Variants in BCOR observed in about 807,000 individuals in gnomAD.
The protein encoded by BCOR is BCL-6 corepressor.
A neutral mutation model predicts 86.7 loss-of-function variants in BCOR; 10 were observed. The ratio of observed to expected loss-of-function variants is 0.12; its 90% CI spans 0.07 to 0.20. BCOR has a LOEUF of 0.20. BCOR is among the 10% of genes least tolerant of loss of function. BCOR has a pLI of 1.00. For synonymous variants in BCOR, 611 were observed against 609.0 expected (o/e 1.00, Z -0.05); for missense variants, 1,259 against 1,452.1 (o/e 0.87, Z 2.16).
intron 1 of BCOR, among the ~76,000 whole-genome samples, chrX:40,168,893 C>T (rs1480163039): frequency 1.8e-5 from 2 of 113,105 alleles, no homozygotes; most frequent in African/African-American, 3.2e-5. Context: ...GTGCAGGCTC[C>T]AGGCGCTTCG....
chrX:40,065,825 C>T lies in BCOR; in HGVS notation c.3239-1226G>A, dbSNP rs376508415. ...TCAATTTCTAGATGAAATAAGCACA[C>T]GCCTCATCCGCTGATCTCATTCTTC... is the stretch of plus-strand genomic sequence containing the variant. On this transcript the variant is annotated intron_variant, in intron 6 of 14. Transcript: ENST00000378444. Among the ~76,000 whole-genome samples the T allele has an allele frequency of 1.4e-4, 15 of 110,206 alleles. No individual in the cohort carries two copies. In the East Asian group the frequency reaches 3.4e-3, roughly 25 times the overall value.
At chrX:40,083,174 T>A (rs1936186047) in intron 1 of BCOR, among the ~76,000 whole-genome samples, 1 of 110,513 alleles carries the variant, frequency 9.0e-6, no homozygotes, top group East Asian at 2.9e-4. Flanking sequence ...ATGTGCAGTG[T>A]GGGATGGGTC....
At chrX:40,175,287 A>C (rs563985595) in intron 1 of BCOR, among the ~76,000 whole-genome samples, 1 of 113,382 alleles carries the variant, frequency 8.8e-6, no homozygotes, top group Non-Finnish European at 1.9e-5. Flanking sequence ...CCGCGCGCGT[A>C]AGCGCGGCAC....
At chrX:40,168,541 G>A (rs1446783716) in intron 1 of BCOR, among the ~76,000 whole-genome samples, 2 of 112,999 alleles carry the variant, frequency 1.8e-5, no homozygotes, top group African/African-American at 3.2e-5. Flanking sequence ...ACAGACAAAT[G>A]TGCAGTGTCA....
intron 1 of BCOR, among the ~76,000 whole-genome samples, chrX:40,163,085 A>G (rs1351004761): frequency 8.9e-6 from 1 of 112,052 alleles, no homozygotes. Flanking sequence ...TGCATTGACT[A>G]CATTCCTAGC....
At position 40,073,466 on chromosome X, in the gene BCOR, T is replaced by C. The variant is rs1057522664; in HGVS notation, c.1880A>G (p.Lys627Arg). ...TGGTGGAAGGCCGTTCTCGTTTGCT[T>C]TGAAACTCGGTTCTGGGTTGCTGGC... is the stretch of plus-strand genomic sequence containing the variant. The part of the protein sequence containing the change: ...AKASNPEPSF[K>R]ANENGLPPSS... The change falls in exon 4 of 15, where the codon AAA becomes AGA. Residue 627 changes from lysine (K) to arginine (R), a missense_variant. Physicochemically the swap from Lys to Arg is conservative, Grantham distance 26. Transcript: ENST00000378444. The C allele has an allele frequency of 4.9e-6, 6 of 1,212,467 alleles. No individual in the cohort carries two copies. In the South Asian group the frequency reaches 7.0e-5, roughly 14 times the overall value.
At chrX:40,153,018 G>A (rs992580571) in intron 1 of BCOR, among the ~76,000 whole-genome samples, 6 of 112,857 alleles carry the variant, frequency 5.3e-5, no homozygotes, top group African/African-American at 1.9e-4. Context: ...AAGGTGCCGC[G>A]CGAGTTCCAG....
chrX:40,095,164 T>C (rs1258974539), intron 1 of BCOR, among the ~76,000 whole-genome samples: 1 of 111,718 alleles, frequency 9.0e-6, no homozygotes, highest in Admixed American at 9.4e-5. Context: ...CACTCCGCTC[T>C]ACGCGCTGAA....
In BCOR at chrX:40,071,013, G is replaced by C; in HGVS notation, c.3198C>G (p.Thr1066=). The change falls in exon 6 of 15, where the codon ACC becomes ACG. Residue 1066 remains threonine (T), a synonymous_variant. Coordinates refer to ENST00000378444, the MANE Select transcript of BCOR (RefSeq NM_001123385.2). ...TCTGTTCTGCAATGGCCTCCTCCAG[G>C]GTGACCGACTTTGGCTTTTTGTCCT... is the stretch of plus-strand genomic sequence containing the variant. The part of the protein sequence containing the change: ...GNQDKKPKSV[T]LEEAIAEQNE... 8.3e-7 allele frequency: 1 copy of C among 1,211,255 alleles called. No individual in the cohort carries two copies. Among genetic ancestry groups the C allele is most frequent in the Non-Finnish European group, 1.1e-6 (1 of 895,413 alleles).
At chrX:40,118,747 C>G (rs978645910) in intron 1 of BCOR, among the ~76,000 whole-genome samples, 2 of 112,626 alleles carry the variant, frequency 1.8e-5, no homozygotes, top group Admixed American at 9.4e-5. Context: ...CCCCCTAGTT[C>G]CTCTACTGAG....
chrX:40,066,080 A>T (rs1351424886), intron 6 of BCOR, among the ~76,000 whole-genome samples: 1 of 110,233 alleles, frequency 9.1e-6, no homozygotes, highest in African/African-American at 3.3e-5. Flanking sequence ...GGAATGGTAG[A>T]ATCTCCCCAA....
At chrX:40,169,907 G>A (rs1158159985) in intron 1 of BCOR, among the ~76,000 whole-genome samples, 2 of 111,926 alleles carry the variant, frequency 1.8e-5, no homozygotes, top group Non-Finnish European at 3.8e-5. Context: ...GCCAGGGAAG[G>A]GAGAGTAAGG....
intron 1 of BCOR, among the ~76,000 whole-genome samples, chrX:40,172,029 G>C (rs2148033203): frequency 8.9e-6 from 1 of 112,943 alleles, no homozygotes; most frequent in Non-Finnish European, 1.9e-5. Flanking sequence ...GGTTGGCGAG[G>C]GCAGCTGGGC....
chrX:40,145,438 C>T (rs1024836881), intron 1 of BCOR, among the ~76,000 whole-genome samples: 2 of 111,706 alleles, frequency 1.8e-5, no homozygotes, highest in Admixed American at 1.9e-4. Context: ...GCTGAATCCC[C>T]CTCCCCCACC....
intron 6 of BCOR, among the ~76,000 whole-genome samples, chrX:40,069,660 C>T (rs1288777978): frequency 8.9e-6 from 1 of 112,617 alleles, no homozygotes; most frequent in Non-Finnish European, 1.9e-5. Context: ...GCCCACTTCT[C>T]CCAGGTCCCT....
chrX:40,078,934 C>T (rs1402018745), intron 1 of BCOR, among the ~76,000 whole-genome samples: 2 of 110,198 alleles, frequency 1.8e-5, no homozygotes, highest in Non-Finnish European at 3.8e-5. Context: ...TATCACGGCG[C>T]GTGATTTATC....
At chrX:40,056,805 C>A (rs1488983960) in intron 11 of BCOR, among the ~76,000 whole-genome samples, 1 of 111,516 alleles carries the variant, frequency 9.0e-6, no homozygotes, top group Non-Finnish European at 1.9e-5. Context: ...TGTGTGTACT[C>A]CTGGGACTTT....
chrX:40,165,707 T>A (rs1329274503), intron 1 of BCOR, among the ~76,000 whole-genome samples: 1 of 112,550 alleles, frequency 8.9e-6, no homozygotes, highest in Non-Finnish European at 1.9e-5. Context: ...CCTTCCTACT[T>A]ACAATTCAAA....
At chrX:40,158,179 A>AG (rs1938335817) in intron 1 of BCOR, among the ~76,000 whole-genome samples, 1 of 112,162 alleles carries the variant, frequency 8.9e-6, no homozygotes, top group African/African-American at 3.2e-5. Flanking sequence ...GGCTCCGGGC[A>AG]GGGGGCCTGT....
Sources: allele counts gnomAD v4.1 joint callset (sites outside exome capture counted in the v4.1 genomes callset), GRCh38; gene constraint gnomAD v4.1.1; transcripts MANE v1.5; gene names NCBI Gene and HGNC (gene_info 2026-07-23, HGNC 2026-07-21).